The following GALNT2 variants were observed in gnomAD, a reference collection of about 807,000 sequenced individuals.
The protein encoded by GALNT2 is polypeptide N-acetylgalactosaminyltransferase 2.
A neutral mutation model predicts 81.4 loss-of-function variants in GALNT2; 31 were observed. The observed-to-expected ratio is 0.38, with a 90% confidence interval of 0.29 to 0.51. The LOEUF (loss-of-function observed/expected upper bound fraction) is 0.51, where lower values mean the gene tolerates loss of function less well. Among genes scored for constraint, GALNT2 ranks in the 20% least tolerant of loss-of-function variants. The pLI is 0.87. For missense variants in GALNT2, 629 were observed against 765.7 expected, an observed-to-expected ratio of 0.82 and a Z score of 2.11; for synonymous variants, 303 against 287.4, an observed-to-expected ratio of 1.05 and a Z score of -0.55.
intron 1 of GALNT2, among the ~76,000 whole-genome samples, chr1:230,112,252 C>T (rs1660724894): frequency 6.6e-6 from 1 of 152,212 alleles, no homozygotes; most frequent in South Asian, 2.1e-4. Context: ...GCTGAGCCTG[C>T]ACCTCCTTGA....
At chr1:230,111,282 C>T (rs1287413971) in intron 1 of GALNT2, among the ~76,000 whole-genome samples, 1 of 152,222 alleles carries the variant, frequency 6.6e-6, no homozygotes, top group Non-Finnish European at 1.5e-5. Context: ...GCAATGTGTA[C>T]TTACATGCAA....
At position 230,279,760 on chromosome 1, in the gene GALNT2, C is replaced by T. The variant is rs759395495; in HGVS notation, c.*302C>T. 13 of 508,192 alleles carry T rather than the reference C, an allele frequency of 2.6e-5. No individual in the cohort carries two copies. The highest frequency in any genetic ancestry group is 2.0e-4 in the South Asian group (12 of 59,308). 31.5% of individuals were successfully genotyped at this position (508,192 alleles called of 1,614,324 possible). ...GGCTCCGCAACTGAGTGACACCCAG[C>T]GACAACCGACTGGGGAGTGGTAGAA... On this transcript the variant is annotated 3_prime_UTR_variant, in exon 16 of 16. Coordinates refer to ENST00000366672, the MANE Select transcript of GALNT2 (RefSeq NM_004481.5). The surrounding 1 kb of genome is among the most constrained non-coding windows in gnomAD (Gnocchi z 4.6).
intron 1 of GALNT2, among the ~76,000 whole-genome samples, chr1:230,151,601 T>C (rs947233962): frequency 6.6e-6 from 1 of 152,168 alleles, no homozygotes; most frequent in Non-Finnish European, 1.5e-5. Context: ...TCTCCCCACA[T>C]GTCCCTGTGC....
At chr1:230,098,917 G>C (rs545619841) in intron 1 of GALNT2, among the ~76,000 whole-genome samples, 1 of 152,294 alleles carries the variant, frequency 6.6e-6, no homozygotes, top group African/African-American at 2.4e-5. Flanking sequence ...ATGAATCTGG[G>C]TGATTGACAA....
intron 2 of GALNT2, among the ~76,000 whole-genome samples, chr1:230,198,754 G>A (rs1415832609): frequency 6.6e-6 from 1 of 152,152 alleles, no homozygotes; most frequent in Admixed American, 6.5e-5. Flanking sequence ...AGGCTGGTAA[G>A]GTCAAACAAT....
chr1:230,246,972 C>T (rs1394622152), intron 8 of GALNT2, among the ~76,000 whole-genome samples: 2 of 152,022 alleles, frequency 1.3e-5, no homozygotes, highest in Non-Finnish European at 2.9e-5. Flanking sequence ...GGTGCAGTGG[C>T]TCACGCTTAT....
chr1:230,109,058 A>T (rs913597944), intron 1 of GALNT2, among the ~76,000 whole-genome samples: 1 of 152,242 alleles, frequency 6.6e-6, no homozygotes, highest in Non-Finnish European at 1.5e-5. Context: ...TTCTAGATGG[A>T]CTATCCTACT....
At chr1:230,058,614 G>T (rs189656884) in intron 1 of GALNT2, among the ~76,000 whole-genome samples, 116 of 152,314 alleles carry the variant, frequency 7.6e-4, no homozygotes, top group African/African-American at 2.6e-3. Flanking sequence ...CTGTTGCGAA[G>T]ATTTAATAAA....
intron 1 of GALNT2, among the ~76,000 whole-genome samples, chr1:230,159,093 A>G (rs555913185): frequency 2.2e-4 from 34 of 152,344 alleles, no homozygotes; most frequent in African/African-American, 7.5e-4. Context: ...AGAGCATTCA[A>G]AAAAGCGTAC....
chr1:230,221,692 C>T (rs1167910516), intron 3 of GALNT2, among the ~76,000 whole-genome samples: 1 of 152,196 alleles, frequency 6.6e-6, no homozygotes, highest in Non-Finnish European at 1.5e-5. Flanking sequence ...CTTTCAAAGT[C>T]ATCTAAACTT....
intron 2 of GALNT2, among the ~76,000 whole-genome samples, chr1:230,194,392 C>T (rs1663623160): frequency 6.6e-6 from 1 of 152,216 alleles, no homozygotes; most frequent in African/African-American, 2.4e-5. Context: ...CCCCCTTCTC[C>T]TGCAGGGGTC....
intron 1 of GALNT2, among the ~76,000 whole-genome samples, chr1:230,073,596 G>A (rs1659440455): frequency 1.3e-5 from 2 of 152,216 alleles, no homozygotes; most frequent in African/African-American, 4.8e-5. Flanking sequence ...GTAGATGACA[G>A]TGATTCATCA....
chr1:230,177,647 T>G lies in GALNT2; in HGVS notation c.127-571T>G, dbSNP rs186287682. Among the ~76,000 whole-genome samples the G allele has an allele frequency of 3.7e-4, 56 of 152,320 alleles. 1 individual carries two copies. Among genetic ancestry groups the G allele is most frequent in the Admixed American group, 3.5e-3 (53 of 15,304 alleles). Reference sequence around the variant, plus strand: ...TTTCACATTGAGTCCTTAATATGTATCTCTGTTTCATTGGCAGTCCTATTA... The same window carrying G: ...TTTCACATTGAGTCCTTAATATGTAGCTCTGTTTCATTGGCAGTCCTATTA... On this transcript the variant is annotated intron_variant, in intron 1 of 15. Transcript: ENST00000366672.
chr1:230,080,471 C>T (rs1004666350), intron 1 of GALNT2, among the ~76,000 whole-genome samples: 7 of 152,112 alleles, frequency 4.6e-5, no homozygotes, highest in Non-Finnish European at 8.8e-5. Flanking sequence ...CTGGTGCCAG[C>T]GGGAAGGTCT....
Position 230,139,711 on chromosome 1 carries a change from C to T in GALNT2, c.127-38507C>T, listed in dbSNP as rs1006833120. On this transcript the variant is annotated intron_variant, in intron 1 of 15. Coordinates refer to ENST00000366672, the MANE Select transcript of GALNT2 (RefSeq NM_004481.5). ...CAAGGAAAATACAAGCAAAGCACTG[C>T]GAGCGTAATAATTTGCCGTTGCATG... Among the ~76,000 whole-genome samples the T allele has an allele frequency of 2.0e-5, 3 of 152,260 alleles. No individual in the cohort carries two copies. The South Asian group carries it at 6.2e-4, about 32-fold the overall frequency.
chr1:230,114,631 G>A (rs1180236299), intron 1 of GALNT2, among the ~76,000 whole-genome samples: 1 of 152,178 alleles, frequency 6.6e-6, no homozygotes, highest in Non-Finnish European at 1.5e-5. Flanking sequence ...ATGCCACCCG[G>A]CGAACTGGCC....
At chr1:230,242,925 A>G (rs2102741370) in intron 6 of GALNT2, among the ~76,000 whole-genome samples, 1 of 152,296 alleles carries the variant, frequency 6.6e-6, no homozygotes, top group East Asian at 1.9e-4. Flanking sequence ...CACCATTAGC[A>G]CTGGAAGTCT....
At chr1:230,267,294 T>C (rs1666062626) in intron 14 of GALNT2, among the ~76,000 whole-genome samples, 1 of 152,212 alleles carries the variant, frequency 6.6e-6, no homozygotes, top group African/African-American at 2.4e-5. Context: ...AACAAAGCAA[T>C]CCCTTGCCTT....
intron 1 of GALNT2, among the ~76,000 whole-genome samples, chr1:230,069,810 G>A (rs999040284): frequency 6.6e-6 from 1 of 151,954 alleles, no homozygotes; most frequent in African/African-American, 2.4e-5. Context: ...TTTTTTTAGA[G>A]ATAAGTGGAC....
Sources: gnomAD v4.1 joint callset for allele counts (sites outside exome capture counted in the v4.1 genomes callset) on GRCh38, gnomAD v4.1.1 for gene constraint, Gnocchi (gnomAD v3.1) non-coding constraint, MANE v1.5 for transcripts, NCBI Gene and HGNC (gene_info 2026-07-23, HGNC 2026-07-21) for gene names.